Variants in FGF13 observed in about 807,000 individuals in gnomAD.
FGF13 encodes fibroblast growth factor 13.
In FGF13, 2 loss-of-function variants were observed where a neutral mutation model predicts 19.5. The observed-to-expected ratio is 0.10, with a 90% CI of 0.04 to 0.32. The LOEUF (loss-of-function observed/expected upper bound fraction) is 0.32, where lower values mean the gene tolerates loss of function less well. Ranked by LOEUF, FGF13 falls within the 10% of genes least tolerant of loss-of-function variation. The pLI is 1.00. For synonymous variants in FGF13, 72 were observed against 76.9 expected (o/e 0.94, Z 0.33); for missense variants, 113 against 192.7 (o/e 0.59, Z 2.45).
At chrX:139,127,633 G>T (rs1019762598) in intron 1 of FGF13, among the ~76,000 whole-genome samples, 7 of 111,680 alleles carry the variant, frequency 6.3e-5, no homozygotes, top group African/African-American at 2.3e-4. Flanking sequence ...AGCTGAGGCT[G>T]CTGGCCACCA....
chrX:138,903,200 A>T (rs1376049439), intron 1 of FGF13, among the ~76,000 whole-genome samples: 3 of 111,836 alleles, frequency 2.7e-5, no homozygotes, highest in African/African-American at 9.8e-5. Flanking sequence ...AGACAAGAAA[A>T]CTGACAAGTC....
chrX:138,808,322 A>C (rs1461984990), intron 3 of FGF13, among the ~76,000 whole-genome samples: 1 of 112,083 alleles, frequency 8.9e-6, no homozygotes, highest in Non-Finnish European at 1.9e-5. Flanking sequence ...GAAAGTGAAC[A>C]ACCTGCTCCT....
At chrX:138,826,193 C>G (rs1333667140) in intron 3 of FGF13, among the ~76,000 whole-genome samples, 1 of 111,925 alleles carries the variant, frequency 8.9e-6, no homozygotes. Flanking sequence ...GTGCTATTTT[C>G]CACAGAACCA....
At chrX:139,185,813 T>C (rs1206866092) in intron 1 of FGF13, among the ~76,000 whole-genome samples, 1 of 112,092 alleles carries the variant, frequency 8.9e-6, no homozygotes, top group African/African-American at 3.2e-5. Context: ...GGCATTATCA[T>C]AGACATTTTA....
chrX:139,145,759 T>G (rs890802263), intron 1 of FGF13, among the ~76,000 whole-genome samples: 1 of 111,162 alleles, frequency 9.0e-6, no homozygotes, highest in Admixed American at 9.6e-5. Context: ...CTAAAAAGCT[T>G]TCCTAGATCC....
chrX:139,141,037 A>C (rs1404790732), intron 1 of FGF13, among the ~76,000 whole-genome samples: 3 of 90,830 alleles, frequency 3.3e-5, no homozygotes, highest in African/African-American at 1.2e-4. Context: ...TTTCCTCACC[A>C]CTAGATAGAT....
chrX:139,181,488 G>A (rs2084237282), intron 1 of FGF13, among the ~76,000 whole-genome samples: 1 of 112,863 alleles, frequency 8.9e-6, no homozygotes, highest in South Asian at 3.6e-4. Flanking sequence ...GAGAGTCCAG[G>A]CCTTTGGCCA....
intron 1 of FGF13, among the ~76,000 whole-genome samples, chrX:139,176,518 A>G (rs969542443): frequency 9.2e-6 from 1 of 108,368 alleles, no homozygotes; most frequent in African/African-American, 3.4e-5. Context: ...TAGGGTGTCT[A>G]TTTTAGATCT....
At chrX:139,201,981 G>T (rs933061644) in intron 1 of FGF13, among the ~76,000 whole-genome samples, 14 of 112,177 alleles carry the variant, frequency 1.2e-4, no homozygotes, top group Admixed American at 2.8e-4. Flanking sequence ...AATTTCAAGT[G>T]CTAATTACTC....
intron 3 of FGF13, among the ~76,000 whole-genome samples, chrX:138,824,668 GC>G (rs1159754140): frequency 9.0e-6 from 1 of 110,878 alleles, no homozygotes; most frequent in Non-Finnish European, 1.9e-5. Context: ...ATAAATACAG[GC>G]CAAATTTTAC....
intron 1 of FGF13, among the ~76,000 whole-genome samples, chrX:139,092,526 A>G (rs1434273776): frequency 8.9e-6 from 1 of 112,273 alleles, no homozygotes; most frequent in Non-Finnish European, 1.9e-5. Flanking sequence ...GTCTGTGACC[A>G]CTGCTTTTCT....
upstream of FGF13, among the ~76,000 whole-genome samples, chrX:138,740,194 A>G (rs1477180714): frequency 8.9e-6 from 1 of 111,760 alleles, no homozygotes; most frequent in Non-Finnish European, 1.9e-5. Flanking sequence ...CCTTTTGAAC[A>G]GACTGGATTC....
chrX:139,110,810 GA>G (rs1403207807), intron 1 of FGF13, among the ~76,000 whole-genome samples: 1 of 111,765 alleles, frequency 8.9e-6, no homozygotes, highest in African/African-American at 3.3e-5. Context: ...GAGGTGTTGA[GA>G]GACAATTGCA....
chrX:139,003,474 G>A (rs1358228165), intron 1 of FGF13, among the ~76,000 whole-genome samples: 1 of 111,944 alleles, frequency 8.9e-6, no homozygotes, highest in Non-Finnish European at 1.9e-5. Context: ...GGCTCGGGCA[G>A]CCTGCTTTTA....
At chrX:138,918,214 A>G (rs1236385098) in intron 1 of FGF13, among the ~76,000 whole-genome samples, 1 of 110,709 alleles carries the variant, frequency 9.0e-6, no homozygotes, top group Middle Eastern at 4.3e-3. Context: ...TATTATTTTA[A>G]TGCAGCTCTT....
intron 3 of FGF13, among the ~76,000 whole-genome samples, chrX:138,646,315 T>G (rs1223918184): frequency 8.9e-6 from 1 of 112,069 alleles, no homozygotes; most frequent in Non-Finnish European, 1.9e-5. Flanking sequence ...TAACACTTTC[T>G]GCTGGAGAAC....
chrX:139,003,827 T>A (rs1334627071), intron 1 of FGF13, among the ~76,000 whole-genome samples: 1 of 111,384 alleles, frequency 9.0e-6, no homozygotes, highest in African/African-American at 3.3e-5. Context: ...CCAGAGCAGC[T>A]AGATACAGAA....
At chrX:138,961,330 T>A (rs775597385) in intron 1 of FGF13, among the ~76,000 whole-genome samples, 4 of 111,685 alleles carry the variant, frequency 3.6e-5, no homozygotes, top group African/African-American at 9.8e-5. Context: ...TGCCTAGGTA[T>A]CACCAGCGGA....
At chrX:138,685,920 G>GC (rs765806258) in intron 3 of FGF13, among the ~76,000 whole-genome samples, 2 of 109,167 alleles carry the variant, frequency 1.8e-5, no homozygotes, top group African/African-American at 3.3e-5. Context: ...TCCTGAAACA[G>GC]CACTTTTCTC....
Sources: allele counts gnomAD v4.1 joint callset (sites outside exome capture counted in the v4.1 genomes callset), GRCh38; gene constraint gnomAD v4.1.1; transcripts MANE v1.5; gene names NCBI Gene and HGNC (gene_info 2026-07-23, HGNC 2026-07-21).